LRP5: variants seen among roughly 807,000 people sequenced by gnomAD.
LRP5 encodes the protein low-density lipoprotein receptor-related protein 5.
Under a neutral mutation model 154.1 loss-of-function variants are expected in LRP5, and 62 were observed. The ratio of observed to expected loss-of-function variants is 0.40; its 90% CI spans 0.33 to 0.50. LRP5 has a LOEUF of 0.50. Among genes scored for constraint, LRP5 ranks in the 20% least tolerant of loss-of-function variants. The pLI is 0.55. For missense variants in LRP5, 1,915 were observed against 2,336.7 expected, an observed-to-expected ratio of 0.82 and a Z score of 3.72; for synonymous variants, 966 against 1,011.5, an observed-to-expected ratio of 0.96 and a Z score of 0.85.
chr11:68,364,150 C>T (rs528655362), intron 4 of LRP5, among the ~76,000 whole-genome samples: 1 of 151,498 alleles, frequency 6.6e-6, no homozygotes, highest in African/African-American at 2.4e-5. Flanking sequence ...AGGTGTGTGG[C>T]TGGCTGGGGG....
intron 3 of LRP5, among the ~76,000 whole-genome samples, chr11:68,358,118 T>C (rs1397487017): frequency 6.6e-6 from 1 of 152,110 alleles, no homozygotes; most frequent in Non-Finnish European, 1.5e-5. Context: ...TTTTTTTTTT[T>C]TAACTTTGTT....
rs2098673305 is a variant in LRP5, at chr11:68,433,768, T to C, written c.3930T>C (p.Cys1310=). 1.2e-6 allele frequency: 2 copies of C among 1,612,644 alleles called. No individual in the cohort carries two copies. The highest frequency in any genetic ancestry group is 1.3e-5 in the African/African-American group (1 of 75,036). Reference sequence around the variant, plus strand: ...AGTTCCCCTGCGCGCGGGGTCAGTGTGTGGACCTGCGCCTGCGCTGCGACG... The same window carrying C: ...AGTTCCCCTGCGCGCGGGGTCAGTGCGTGGACCTGCGCCTGCGCTGCGACG... ...AAQFPCARGQ[C]VDLRLRCDGE... The change falls in exon 18 of 23, where the codon TGT becomes TGC. Residue 1310 remains cysteine, a synonymous_variant. Transcript: ENST00000294304.
chr11:68,317,958 T>C (rs1490078993), intron 1 of LRP5, among the ~76,000 whole-genome samples: 2 of 152,168 alleles, frequency 1.3e-5, no homozygotes, highest in African/African-American at 2.4e-5. Context: ...GATTGTGTTT[T>C]CTGGGTATTT....
chr11:68,380,443 C>A (rs944796779), intron 5 of LRP5, among the ~76,000 whole-genome samples: 1 of 152,206 alleles, frequency 6.6e-6, no homozygotes, highest in African/African-American at 2.4e-5. Flanking sequence ...AATATTTGCT[C>A]TCTGGCCCTT....
At chr11:68,428,686 A>T (rs139445334) in intron 16 of LRP5, among the ~76,000 whole-genome samples, 1 of 150,592 alleles carries the variant, frequency 6.6e-6, no homozygotes, top group African/African-American at 2.4e-5. Context: ...CTTAACCTGC[A>T]AAGACCCTTT....
rs111966146 is a variant in LRP5, at chr11:68,397,407, G to A, written c.1585-6076G>A. On this transcript the variant is annotated intron_variant, in intron 7 of 22. Transcript: ENST00000294304. Reference sequence around the variant, plus strand: ...CGCTGGCCGTGCCCTCATGCTGGAGGGACAGCCCAGCCCTCTCCCGAACCC... The same window carrying A: ...CGCTGGCCGTGCCCTCATGCTGGAGAGACAGCCCAGCCCTCTCCCGAACCC... Among the ~76,000 whole-genome samples, 699 of 152,254 alleles carry A rather than the reference G, an allele frequency of 4.6e-3. 8 individuals carry two copies. The highest frequency in any genetic ancestry group is 0.016 in the African/African-American group (669 of 41,536).
At position 68,413,568 on chromosome 11, in the gene LRP5, T is replaced by G. The variant is rs902930928; in HGVS notation, c.2504-121T>G. The G allele has an allele frequency of 1.1e-6, 1 of 873,438 alleles. No individual in the cohort carries two copies. The highest frequency in any genetic ancestry group is 1.6e-5 in the African/African-American group (1 of 60,812). The allele number at this position is 873,438 out of a possible 1,614,324, so 54.1% of individuals were successfully genotyped here. Reference sequence around the variant, plus strand: ...TGGTTTTCCAAGGTGGCCAAACACTTTAAGGCATTCATGTGGTCGCTAGGC... The same window carrying G: ...TGGTTTTCCAAGGTGGCCAAACACTGTAAGGCATTCATGTGGTCGCTAGGC... On this transcript the variant is annotated intron_variant, in intron 11 of 22. Transcript: ENST00000294304. This position sits in a 1 kb window ranked among gnomAD's most constrained non-coding sequence, Gnocchi z 5.1.
intron 1 of LRP5, among the ~76,000 whole-genome samples, chr11:68,326,861 G>T (rs1348046194): frequency 6.6e-6 from 1 of 152,204 alleles, no homozygotes; most frequent in Non-Finnish European, 1.5e-5. Context: ...GTGGGGAGGG[G>T]TCCCCGGGGA....
intron 13 of LRP5, among the ~76,000 whole-genome samples, chr11:68,417,192 T>C (rs765514686): frequency 6.6e-6 from 1 of 152,230 alleles, no homozygotes; most frequent in Non-Finnish European, 1.5e-5. Context: ...TGTGAAACAC[T>C]GGAAGGAGGA....
chr11:68,375,483 TCCCCTGC>T (rs1309112915), intron 5 of LRP5, among the ~76,000 whole-genome samples: 2 of 152,128 alleles, frequency 1.3e-5, no homozygotes, highest in Non-Finnish European at 2.9e-5. Flanking sequence ...GGAGCACCCT[TCCCCTGC>T]CCCCTGCCCC....
chr11:68,430,627 A>G (rs1174697212), intron 17 of LRP5, among the ~76,000 whole-genome samples: 2 of 152,202 alleles, frequency 1.3e-5, no homozygotes, highest in Non-Finnish European at 2.9e-5. Flanking sequence ...GGTTGTCTCT[A>G]TCCTTCCTTC....
At chr11:68,444,005 T>A (rs2098680089) in intron 21 of LRP5, among the ~76,000 whole-genome samples, 4 of 152,004 alleles carry the variant, frequency 2.6e-5, no homozygotes. Flanking sequence ...TACGTTCACA[T>A]CTTTAATTCT....
intron 13 of LRP5, among the ~76,000 whole-genome samples, chr11:68,417,756 G>A (rs1032088717): frequency 6.5e-4 from 99 of 152,042 alleles, no homozygotes; most frequent in African/African-American, 2.4e-3. Context: ...CCAACATGGT[G>A]AAACCCCGTC....
At chr11:68,394,972 G>T (rs1255910329) in intron 7 of LRP5, among the ~76,000 whole-genome samples, 1 of 152,144 alleles carries the variant, frequency 6.6e-6, no homozygotes, top group Non-Finnish European at 1.5e-5. Flanking sequence ...CTCTGAGCAT[G>T]GTAGGACAGG....
intron 21 of LRP5, among the ~76,000 whole-genome samples, chr11:68,444,436 G>C (rs889227914): frequency 6.6e-6 from 1 of 152,140 alleles, no homozygotes; most frequent in African/African-American, 2.4e-5. Context: ...AGAATCACTT[G>C]AACCTGGGAG....
At chr11:68,305,391 G>A in the LRP5 span, among the ~76,000 whole-genome samples, 267 of 151,936 alleles carry the variant, frequency 1.8e-3, 2 homozygotes, top group African/African-American at 6.0e-3. Context: ...CTGCAGAACC[G>A]GGAGCCAGTT....
At chr11:68,300,062 C>T in the LRP5 span, among the ~76,000 whole-genome samples, 136,554 of 143,708 alleles carry the variant, frequency 0.95, 64,820 homozygotes, top group East Asian at 1. Context: ...TTTTTTTTTT[C>T]AGTAGATACA....
chr11:68,422,558 C>T (rs1474220236), intron 13 of LRP5, among the ~76,000 whole-genome samples: 3 of 152,158 alleles, frequency 2.0e-5, no homozygotes, highest in South Asian at 2.1e-4. Context: ...TGTCGGAGGC[C>T]CCAAAAGCCC....
intron 13 of LRP5, among the ~76,000 whole-genome samples, chr11:68,420,757 T>A (rs994460123): frequency 6.6e-6 from 1 of 152,008 alleles, no homozygotes; most frequent in Non-Finnish European, 1.5e-5. Flanking sequence ...TTGTTATTTA[T>A]CCATCCACGG....
Sources: gnomAD v4.1 joint callset for allele counts (sites outside exome capture counted in the v4.1 genomes callset) on GRCh38, gnomAD v4.1.1 for gene constraint, Gnocchi (gnomAD v3.1) non-coding constraint, MANE v1.5 for transcripts, NCBI Gene and HGNC (gene_info 2026-07-23, HGNC 2026-07-21) for gene names.